Variants in LHFPL2 observed in about 807,000 individuals in gnomAD.
The protein encoded by LHFPL2 is LHFPL tetraspan subfamily member 2, also known as LHFPL tetraspan subfamily member 2 protein.
A neutral mutation model predicts 17.5 loss-of-function variants in LHFPL2; 7 were observed. The ratio of observed to expected loss-of-function variants is 0.40; its 90% CI spans 0.23 to 0.75. The LOEUF is 0.75. Ranked by LOEUF, LHFPL2 falls within the 30% of genes least tolerant of loss-of-function variation. The probability of loss-of-function intolerance (pLI) is 0.37; values close to 1 mark genes in which losing one functional copy is unlikely to be tolerated. For missense variants in LHFPL2, 241 were observed against 294.8 expected, an observed-to-expected ratio of 0.82 and a Z score of 1.34; for synonymous variants, 134 against 116.2, an observed-to-expected ratio of 1.15 and a Z score of -0.99.
intron 4 of LHFPL2, among the ~76,000 whole-genome samples, chr5:78,504,831 C>G (rs536881448): frequency 5.1e-4 from 78 of 152,362 alleles, no homozygotes; most frequent in Non-Finnish European, 1.0e-3. Context: ...CAGGGTTCAG[C>G]CCCAGGGCAA....
chr5:78,634,234 T>A (rs1261139806), intron 1 of LHFPL2, among the ~76,000 whole-genome samples: 1 of 152,130 alleles, frequency 6.6e-6, no homozygotes, highest in Non-Finnish European at 1.5e-5. Context: ...GGCCAAAGCA[T>A]CAAAATAGCA....
At chr5:78,630,626 A>G (rs1206447214) in intron 2 of LHFPL2, among the ~76,000 whole-genome samples, 8 of 151,992 alleles carry the variant, frequency 5.3e-5, no homozygotes, top group Admixed American at 5.2e-4. Context: ...GCTGGGACTC[A>G]GCACCAAGCA....
At chr5:78,630,267 C>T (rs1215975311) in intron 2 of LHFPL2, among the ~76,000 whole-genome samples, 1 of 152,200 alleles carries the variant, frequency 6.6e-6, no homozygotes, top group African/African-American at 2.4e-5. Context: ...GGCCGGCACT[C>T]TCCCTGCATG....
intron 2 of LHFPL2, among the ~76,000 whole-genome samples, chr5:78,574,260 G>C (rs1757073644): frequency 6.6e-6 from 1 of 152,242 alleles, no homozygotes; most frequent in Admixed American, 6.5e-5. Context: ...AAGACGTGGG[G>C]AGGGTGCCCT....
Position 78,648,242 on chromosome 5 carries a change from T to C in LHFPL2, c.-350+257A>G, listed in dbSNP as rs1745958849. ...TCCCGGCACAACTTTTTTCCACTTC[T>C]GCGGCCGCCGGCGGCGCTGAGAAGC... On this transcript the variant is annotated intron_variant, in intron 1 of 4. Transcript: ENST00000380345. This position sits in a 1 kb window ranked among gnomAD's most constrained non-coding sequence, Gnocchi z 5.4. Among the ~76,000 whole-genome samples, 1 of 152,070 alleles carries C rather than the reference T, an allele frequency of 6.6e-6. No homozygotes were observed. Among genetic ancestry groups the C allele is most frequent in the Non-Finnish European group, 1.5e-5 (1 of 67,986 alleles).
Position 78,510,166 on chromosome 5 carries a change from C to A in LHFPL2, c.48G>T (p.Leu16=), listed in dbSNP as rs756742300. The A allele has an allele frequency of 1.9e-6, 3 of 1,610,696 alleles. No individual in the cohort carries two copies. The highest frequency in any genetic ancestry group is 1.7e-6 in the Non-Finnish European group (2 of 1,177,966). The stretch of plus-strand genomic sequence containing the variant: ...GCTCGGCAAAAGCCACCACAATACT[C>A]AGCAAGGTCCAGAGCATCGAGCGAC... The part of the protein sequence containing the change: ...VTCRSMLWTL[L]SIVVAFAELI... Residue 16 remains leucine (L), a synonymous_variant, in exon 4 of 5, where the codon CTG becomes CTT. Transcript: ENST00000380345.
intron 3 of LHFPL2, among the ~76,000 whole-genome samples, chr5:78,513,292 T>C (rs1755192148): frequency 6.6e-6 from 1 of 152,134 alleles, no homozygotes; most frequent in African/African-American, 2.4e-5. Context: ...TGAGAACAAT[T>C]TGAAGGCAGG....
chr5:78,548,747 G>A (rs767540421), intron 3 of LHFPL2, among the ~76,000 whole-genome samples: 72 of 152,126 alleles, frequency 4.7e-4, no homozygotes, highest in Admixed American at 2.0e-4. Context: ...GCTGGATCAC[G>A]CACCCTGGGA....
At chr5:78,500,106 C>T (rs1754729454) in intron 4 of LHFPL2, among the ~76,000 whole-genome samples, 1 of 151,902 alleles carries the variant, frequency 6.6e-6, no homozygotes, top group Non-Finnish European at 1.5e-5. Flanking sequence ...TTTGAAATTA[C>T]AGATCCATCC....
intron 2 of LHFPL2, among the ~76,000 whole-genome samples, chr5:78,580,624 T>C (rs1743091376): frequency 6.6e-6 from 1 of 151,606 alleles, no homozygotes; most frequent in African/African-American, 2.4e-5. Flanking sequence ...ATTGCTTGTT[T>C]TTCTCAGGTT....
intron 1 of LHFPL2, among the ~76,000 whole-genome samples, chr5:78,640,987 T>A (rs1230593417): frequency 6.6e-6 from 1 of 152,170 alleles, no homozygotes; most frequent in African/African-American, 2.4e-5. Context: ...ATAAACCTCA[T>A]CCCTGGTGGA....
chr5:78,546,619 G>C (rs998465724), intron 3 of LHFPL2, among the ~76,000 whole-genome samples: 14 of 152,216 alleles, frequency 9.2e-5, no homozygotes, highest in African/African-American at 3.4e-4. Context: ...ACTTGCTGGT[G>C]CTTACTTAGA....
At chr5:78,559,077 CT>C (rs1756657380) in intron 3 of LHFPL2, among the ~76,000 whole-genome samples, 1 of 152,190 alleles carries the variant, frequency 6.6e-6, no homozygotes, top group African/African-American at 2.4e-5. Context: ...CCAAACTTCC[CT>C]TTTAGTCCTC....
intron 2 of LHFPL2, among the ~76,000 whole-genome samples, chr5:78,578,771 G>A (rs532767888): frequency 6.6e-6 from 1 of 152,280 alleles, no homozygotes; most frequent in Middle Eastern, 3.4e-3. Flanking sequence ...AATCATCTAT[G>A]TACAAGGTTT....
intron 3 of LHFPL2, among the ~76,000 whole-genome samples, chr5:78,545,559 T>C (rs1756246856): frequency 6.6e-6 from 1 of 152,212 alleles, no homozygotes; most frequent in East Asian, 1.9e-4. Context: ...CCTCACTTGC[T>C]CCATGAGACG....
chr5:78,528,510 A>G (rs1755687296), intron 3 of LHFPL2, among the ~76,000 whole-genome samples: 1 of 152,234 alleles, frequency 6.6e-6, no homozygotes, highest in African/African-American at 2.4e-5. Flanking sequence ...CATACATAGA[A>G]AAATTGTCTT....
chr5:78,563,026 G>C (rs1756770696), intron 3 of LHFPL2, among the ~76,000 whole-genome samples: 1 of 152,170 alleles, frequency 6.6e-6, no homozygotes, highest in Admixed American at 6.5e-5. Context: ...TTAAATAACA[G>C]GTAAAATGAA....
chr5:78,553,768 T>C (rs1415652790), intron 3 of LHFPL2, among the ~76,000 whole-genome samples: 2 of 152,250 alleles, frequency 1.3e-5, no homozygotes, highest in African/African-American at 4.8e-5. Context: ...CGTCAGATTT[T>C]TGTTTTCTTC....
At chr5:78,578,423 GT>G (rs1757187311) in intron 2 of LHFPL2, among the ~76,000 whole-genome samples, 1 of 152,136 alleles carries the variant, frequency 6.6e-6, no homozygotes, top group African/African-American at 2.4e-5. Flanking sequence ...TCACAGGGGG[GT>G]TTTGGGGAGT....
Sources: allele counts gnomAD v4.1 joint callset (sites outside exome capture counted in the v4.1 genomes callset), GRCh38; gene constraint gnomAD v4.1.1; non-coding constraint Gnocchi (gnomAD v3.1); transcripts MANE v1.5; gene names NCBI Gene and HGNC (gene_info 2026-07-23, HGNC 2026-07-21).